Variants in SLC24A3 observed in about 807,000 individuals in gnomAD.
SLC24A3 encodes the protein sodium/potassium/calcium exchanger 3.
Under a neutral mutation model 75.8 loss-of-function variants are expected in SLC24A3, and 28 were observed. The ratio of observed to expected loss-of-function variants is 0.37; its 90% CI spans 0.27 to 0.51. The LOEUF (loss-of-function observed/expected upper bound fraction) is 0.51. SLC24A3 is among the 20% of genes least tolerant of loss of function. The pLI, the probability that SLC24A3 is intolerant of heterozygous loss-of-function variation, is 0.94. For synonymous variants in SLC24A3, 372 were observed against 334.1 expected (o/e 1.11, Z -1.24); for missense variants, 663 against 847.8 (o/e 0.78, Z 2.71).
chr20:19,421,856 G>A (rs576531180), intron 2 of SLC24A3, among the ~76,000 whole-genome samples: 24 of 152,264 alleles, frequency 1.6e-4, no homozygotes, highest in African/African-American at 4.8e-4. Flanking sequence ...ACGAACTTCC[G>A]GAGCCTCCAC....
chr20:19,512,330 C>T lies in SLC24A3; in HGVS notation c.272-3158C>T, dbSNP rs1033027159. On this transcript the variant is annotated intron_variant, in intron 2 of 16. Coordinates refer to ENST00000328041, the MANE Select transcript of SLC24A3 (RefSeq NM_020689.4). Reference sequence around the variant, plus strand: ...GGTTTCTCTTTGGCTCACCCCTGCCCGGCCAGGACTTTGGGCAGCTTCTGG... The same window carrying T: ...GGTTTCTCTTTGGCTCACCCCTGCCTGGCCAGGACTTTGGGCAGCTTCTGG... Among the ~76,000 whole-genome samples, 15 of 152,168 alleles carry T rather than the reference C, an allele frequency of 9.9e-5. No homozygotes were observed. In the South Asian group the frequency reaches 2.3e-3, roughly 23 times the overall value.
chr20:19,584,702 G>T (rs2031270024), intron 4 of SLC24A3, among the ~76,000 whole-genome samples: 1 of 152,216 alleles, frequency 6.6e-6, no homozygotes, highest in African/African-American at 2.4e-5. Context: ...TAGCTCATAA[G>T]GACATGTAGT....
At position 19,304,462 on chromosome 20, in the gene SLC24A3, C is replaced by T. The variant is rs149076865; in HGVS notation, c.271+23375C>T. Among the ~76,000 whole-genome samples the T allele has an allele frequency of 2.2e-3, 335 of 152,248 alleles. 3 individuals are homozygous for T. Among genetic ancestry groups the T allele is most frequent in the African/African-American group, 7.8e-3 (326 of 41,552 alleles). ...TTGCAATGGCCCTTCCAAGACGTTC[C>T]ATCTCATTTCCTATTCGTTAATTTG... On this transcript the variant is annotated intron_variant, in intron 2 of 16. Coordinates refer to ENST00000328041, the MANE Select transcript of SLC24A3 (RefSeq NM_020689.4).
intron 3 of SLC24A3, among the ~76,000 whole-genome samples, chr20:19,531,987 C>T (rs2030309150): frequency 6.6e-6 from 1 of 152,140 alleles, no homozygotes; most frequent in South Asian, 2.1e-4. Flanking sequence ...AAGCAACTTG[C>T]CCAAGGCATG....
rs146920807 is a variant in SLC24A3, at chr20:19,236,966, T to C, written c.142+23982T>C. Among the ~76,000 whole-genome samples the C allele has an allele frequency of 2.6e-3, 398 of 152,326 alleles. 1 individual carries two copies. Among genetic ancestry groups the C allele is most frequent in the African/African-American group, 9.1e-3 (377 of 41,578 alleles). On this transcript the variant is annotated intron_variant, in intron 1 of 16. Coordinates refer to ENST00000328041, the MANE Select transcript of SLC24A3 (RefSeq NM_020689.4). ...GTTTCCCTCTTCTTTTCTGGGCTGTTATTCTCCAAGGAACTACCTAAGCTC... is the reference window on the plus strand; with the variant it reads ...GTTTCCCTCTTCTTTTCTGGGCTGTCATTCTCCAAGGAACTACCTAAGCTC...
chr20:19,275,248 C>T (rs1396705307), intron 1 of SLC24A3, among the ~76,000 whole-genome samples: 4 of 152,208 alleles, frequency 2.6e-5, no homozygotes, highest in African/African-American at 2.4e-5. Context: ...CTGAGCTTTG[C>T]AGTCAGCTCT....
At chr20:19,274,320 G>A (rs993545689) in intron 1 of SLC24A3, among the ~76,000 whole-genome samples, 7 of 151,912 alleles carry the variant, frequency 4.6e-5, no homozygotes, top group Admixed American at 1.3e-4. Flanking sequence ...AGAACCTATC[G>A]CCTCCTGTGG....
At chr20:19,494,100 G>A (rs1988246373) in intron 2 of SLC24A3, among the ~76,000 whole-genome samples, 1 of 146,928 alleles carries the variant, frequency 6.8e-6, no homozygotes, top group African/African-American at 2.5e-5. Flanking sequence ...CTTTTGATGG[G>A]TATCTCTCTG....
At chr20:19,584,911 T>C in intron 4 of SLC24A3, 60 bp from the exon 5 acceptor site, 1 of 1,507,712 alleles carries the variant, frequency 6.6e-7, no homozygotes, top group South Asian at 1.2e-5. Flanking sequence ...GGTGTCACAG[T>C]CACCTCTCTT....
intron 2 of SLC24A3, among the ~76,000 whole-genome samples, chr20:19,489,446 G>T (rs1988174772): frequency 6.6e-6 from 1 of 152,190 alleles, no homozygotes; most frequent in African/African-American, 2.4e-5. Flanking sequence ...TAATATATTT[G>T]AAGTAGGCTT....
At chr20:19,611,031 C>A (rs912286400) in intron 6 of SLC24A3, among the ~76,000 whole-genome samples, 1 of 152,068 alleles carries the variant, frequency 6.6e-6, no homozygotes, top group African/African-American at 2.4e-5. Context: ...AGCGTCCACT[C>A]TTCTACACTC....
At chr20:19,259,991 G>A (rs568434532) in intron 1 of SLC24A3, among the ~76,000 whole-genome samples, 11 of 152,176 alleles carry the variant, frequency 7.2e-5, no homozygotes, top group Non-Finnish European at 1.5e-4. Context: ...AAAAGAATCC[G>A]TATGCCCTGA....
chr20:19,651,467 C>G (rs1036422943), intron 6 of SLC24A3, among the ~76,000 whole-genome samples: 3 of 149,726 alleles, frequency 2.0e-5, no homozygotes, highest in African/African-American at 7.3e-5. Flanking sequence ...GTTCTTTGTT[C>G]CAGTGTTCTG....
intron 15 of SLC24A3, among the ~76,000 whole-genome samples, chr20:19,713,438 T>C (rs2033010583): frequency 6.6e-6 from 1 of 152,198 alleles, no homozygotes; most frequent in African/African-American, 2.4e-5. Flanking sequence ...ATCCGGGGTC[T>C]CTCTGCTTCC....
chr20:19,657,468 A>T (rs2032278864), intron 7 of SLC24A3, among the ~76,000 whole-genome samples: 1 of 152,168 alleles, frequency 6.6e-6, no homozygotes, highest in Admixed American at 6.5e-5. Context: ...GCTGGAAACC[A>T]TTTCCTTGGG....
chr20:19,404,546 C>T (rs1568609484), intron 2 of SLC24A3, among the ~76,000 whole-genome samples: 2 of 152,230 alleles, frequency 1.3e-5, no homozygotes, highest in South Asian at 2.1e-4. Context: ...TTTGCCTGGC[C>T]TTCCATCAGC....
chr20:19,334,982 C>G (rs1985096099), intron 2 of SLC24A3, among the ~76,000 whole-genome samples: 1 of 152,208 alleles, frequency 6.6e-6, no homozygotes. Flanking sequence ...CAGAGCACTG[C>G]AGCACCTGGT....
intron 2 of SLC24A3, among the ~76,000 whole-genome samples, chr20:19,494,791 A>T (rs1271592126): frequency 6.6e-6 from 1 of 152,064 alleles, no homozygotes; most frequent in African/African-American, 2.4e-5. Context: ...AGGCTAGAGG[A>T]CTCACCTCTG....
chr20:19,617,886 G>A (rs935068009), intron 6 of SLC24A3, among the ~76,000 whole-genome samples: 7 of 152,152 alleles, frequency 4.6e-5, no homozygotes, highest in Non-Finnish European at 1.0e-4. Flanking sequence ...AGGGCCCTGG[G>A]ACTTTCTTTT....
Sources: gnomAD v4.1 joint callset for allele counts (sites outside exome capture counted in the v4.1 genomes callset) on GRCh38, gnomAD v4.1.1 for gene constraint, MANE v1.5 for transcripts, NCBI Gene and HGNC (gene_info 2026-07-23, HGNC 2026-07-21) for gene names.